Variants in ARAP2 observed in about 807,000 individuals in gnomAD.
ARAP2 encodes the protein arf-GAP with Rho-GAP domain, ANK repeat and PH domain-containing protein 2.
ARAP2 carries 148 observed loss-of-function variants against 194.5 expected under a neutral mutation model. That is an observed-to-expected ratio of 0.76 (90% CI 0.67 to 0.87). The LOEUF is 0.87. Among genes scored for constraint, ARAP2 ranks in the 40% least tolerant of loss-of-function variants. The pLI is 0.00. For synonymous variants in ARAP2, 695 were observed against 683.5 expected (o/e 1.02, Z -0.26); for missense variants, 2,128 against 1,989.7 (o/e 1.07, Z -1.32).
intron 7 of ARAP2, among the ~76,000 whole-genome samples, chr4:36,192,613 T>C (rs574427401): frequency 6.6e-6 from 1 of 152,320 alleles, no homozygotes; most frequent in Admixed American, 6.5e-5. Context: ...CCATCAGCTA[T>C]AGAGACTACC....
At chr4:36,204,881 C>T (rs1355613749) in intron 6 of ARAP2, among the ~76,000 whole-genome samples, 2 of 150,400 alleles carry the variant, frequency 1.3e-5, no homozygotes, top group African/African-American at 4.9e-5. Flanking sequence ...CCCGACTACT[C>T]GGGAGGCTGT....
chr4:36,183,248 G>T (rs1052790550), intron 8 of ARAP2, among the ~76,000 whole-genome samples: 4 of 151,146 alleles, frequency 2.6e-5, no homozygotes, highest in Non-Finnish European at 5.9e-5. Flanking sequence ...TGCTTGCCCA[G>T]AAAAACTAAG....
intron 9 of ARAP2, among the ~76,000 whole-genome samples, chr4:36,174,219 T>C (rs1222507778): frequency 3.9e-5 from 6 of 152,156 alleles, no homozygotes; most frequent in Admixed American, 3.9e-4. Flanking sequence ...ACACAGCTCA[T>C]TTTAAACAAT....
At chr4:36,053,172 A>G (rs556958669) in intron 2 of ARAP2, among the ~76,000 whole-genome samples, 2 of 151,830 alleles carry the variant, frequency 1.3e-5, no homozygotes, top group Non-Finnish European at 2.9e-5. Flanking sequence ...ACGCCTGGAT[A>G]ATTTTTATAT....
intron 22 of ARAP2, among the ~76,000 whole-genome samples, chr4:36,124,184 C>G (rs1723338553): frequency 6.6e-6 from 1 of 151,784 alleles, no homozygotes; most frequent in Admixed American, 6.6e-5. Context: ...AAATAAGGTA[C>G]TTTTAGTAAA....
At chr4:36,156,868 A>C (rs955422842) in intron 15 of ARAP2, among the ~76,000 whole-genome samples, 1 of 152,232 alleles carries the variant, frequency 6.6e-6, no homozygotes, top group African/African-American at 2.4e-5. Context: ...ATGGAAAAAT[A>C]TCCCTAGTTA....
chr4:36,195,619 A>T (rs1742892085), intron 6 of ARAP2, among the ~76,000 whole-genome samples: 1 of 152,240 alleles, frequency 6.6e-6, no homozygotes, highest in Admixed American at 6.5e-5. Context: ...AGATAAAAAT[A>T]ATTAACATCT....
chr4:36,132,103 A>G (rs150071799), intron 20 of ARAP2, among the ~76,000 whole-genome samples: 64 of 151,862 alleles, frequency 4.2e-4, no homozygotes, highest in African/African-American at 1.5e-3. Flanking sequence ...ATTTCTGAAA[A>G]GTGTTTTCTT....
chr4:36,094,728 T>C (rs1714718544), intron 27 of ARAP2, among the ~76,000 whole-genome samples: 1 of 152,156 alleles, frequency 6.6e-6, no homozygotes, highest in Non-Finnish European at 1.5e-5. Flanking sequence ...ACCTCTAGTG[T>C]ATGTGGAGCA....
chr4:36,149,193 C>T (rs1274961845), intron 16 of ARAP2, among the ~76,000 whole-genome samples: 1 of 152,126 alleles, frequency 6.6e-6, no homozygotes, highest in Non-Finnish European at 1.5e-5. Flanking sequence ...CTCTTTTCCA[C>T]CCCAAGCCTG....
intron 27 of ARAP2, among the ~76,000 whole-genome samples, chr4:36,103,748 T>C (rs978170377): frequency 4.6e-5 from 7 of 151,854 alleles, no homozygotes; most frequent in African/African-American, 1.7e-4. Flanking sequence ...TAAAAGTAAA[T>C]TATGTTACCT....
rs375036588 is a variant in ARAP2 at position 36,031,700 on chromosome 4, G to A, written n.608-12414C>T. On this transcript the variant is annotated intron_variant and non_coding_transcript_variant, in intron 5 of 12. Transcript: ENST00000503225. ...TTTTTCTTTTTTGAGATGGAGTCTC[G>A]CTCTGTCGCCCAGGCTGGAGTGCAA... 8.1e-5 allele frequency among the ~76,000 whole-genome samples: 12 copies of A among 147,474 alleles called. No individual in the cohort carries two copies. The East Asian group carries it at 1.2e-3, about 15-fold the overall frequency.
chr4:36,168,173 G>A (rs553319506), intron 9 of ARAP2, among the ~76,000 whole-genome samples: 28 of 152,136 alleles, frequency 1.8e-4, no homozygotes, highest in Admixed American at 4.6e-4. Context: ...GCCATGTGTT[G>A]TAGTTTCCTT....
chr4:36,005,792 A>T (rs1442466020), intron 10 of ARAP2: 1 of 152,206 alleles, frequency 6.6e-6, no homozygotes, highest in Non-Finnish European at 1.5e-5. Flanking sequence ...TCAGAAAAAA[A>T]GTTGTGTCCT....
chr4:36,114,246 T>C lies in ARAP2; in HGVS notation c.4080A>G (p.Ile1360Met), dbSNP rs749089050. 1.3e-6 allele frequency: 2 copies of C among 1,599,596 alleles called. No homozygotes were observed. The highest frequency in any genetic ancestry group is 1.1e-5 in the South Asian group (1 of 90,044). Residue 1360 changes from isoleucine (I) to methionine (M), a missense_variant, in exon 26 of 33, where the codon ATA becomes ATG. Physicochemically the swap from Ile to Met is conservative, Grantham distance 10. Coordinates refer to ENST00000303965, the MANE Select transcript of ARAP2 (RefSeq NM_015230.4). ...VMEAEELTND[I>M]LAIKNIIPTK... ...TAGGAATAATATTTTTTATCGCTAA[T>C]ATATCATTAGTTAATTCTTCTGCTT...
intron 27 of ARAP2, among the ~76,000 whole-genome samples, chr4:36,097,428 C>T (rs1490388520): frequency 6.6e-6 from 1 of 152,024 alleles, no homozygotes; most frequent in Non-Finnish European, 1.5e-5. Flanking sequence ...CAAAATAAAG[C>T]TACACACGTT....
intron 31 of ARAP2, among the ~76,000 whole-genome samples, chr4:36,075,223 T>C (rs1001836195): frequency 1.1e-4 from 16 of 152,164 alleles, no homozygotes; most frequent in East Asian, 1.9e-4. Flanking sequence ...CGCTAAAATA[T>C]ATTTTGAAGA....
intron 19 of ARAP2, among the ~76,000 whole-genome samples, chr4:36,136,930 G>A (rs941129268): frequency 3.6e-4 from 10 of 27,932 alleles, no homozygotes; most frequent in African/African-American, 2.1e-3. Flanking sequence ...ACACGCGCGC[G>A]CGCACACACA....
In ARAP2 at chr4:36,213,300, T is replaced by C. The variant is rs764821911; in HGVS notation, c.984A>G (p.Ser328=). Residue 328 remains serine, a synonymous_variant, in exon 4 of 33, where the codon TCA becomes TCG. Coordinates refer to ENST00000303965, the MANE Select transcript of ARAP2 (RefSeq NM_015230.4). ...TCTCTCCATAAGGAAAGATGGAAGATGAATTCTCCTCATTTGAATCTTTTA... is the reference window on the plus strand; with the variant it reads ...TCTCTCCATAAGGAAAGATGGAAGACGAATTCTCCTCATTTGAATCTTTTA... ...VAWQNSNEEN[S]SSIFPYGETF... 5.0e-6 allele frequency: 8 copies of C among 1,607,248 alleles called. No homozygotes were observed. Among genetic ancestry groups the C allele is most frequent in the Middle Eastern group, 1.6e-4 (1 of 6,062 alleles).
Sources: gnomAD v4.1 joint callset for allele counts (sites outside exome capture counted in the v4.1 genomes callset) on GRCh38, gnomAD v4.1.1 for gene constraint, MANE v1.5 for transcripts, NCBI Gene and HGNC (gene_info 2026-07-23, HGNC 2026-07-21) for gene names.